Variants in TNR observed in about 807,000 individuals in gnomAD.
TNR encodes the protein tenascin-R.
A neutral mutation model predicts 150.4 loss-of-function variants in TNR; 45 were observed. The ratio of observed to expected loss-of-function variants is 0.30; its 90% CI spans 0.24 to 0.38. The LOEUF is 0.38. Ranked by LOEUF, TNR falls within the 10% of genes least tolerant of loss-of-function variation. TNR has a pLI of 1.00. For missense variants in TNR, 1,544 were observed against 1,759.1 expected, an observed-to-expected ratio of 0.88 and a Z score of 2.19; for synonymous variants, 687 against 678.4, an observed-to-expected ratio of 1.01 and a Z score of -0.20.
chr1:175,365,221 G>A lies in TNR; in HGVS notation c.2376C>T (p.Ile792=). 2 of 1,614,070 alleles carry A rather than the reference G, an allele frequency of 1.2e-6. No individual in the cohort carries two copies. Among genetic ancestry groups the A allele is most frequent in the Non-Finnish European group, 1.7e-6 (2 of 1,179,976 alleles). The change falls in exon 12 of 23, where the codon ATC becomes ATT. Residue 792 remains isoleucine, a synonymous_variant. Coordinates refer to ENST00000367674, the MANE Select transcript of TNR (RefSeq NM_003285.3). ...FSHVTSSSVN[I]TWSDPSPPAD... ...CTGGGGGAGATGGATCACTCCAAGT[G>A]ATGTTCACACTGGAGGAGGTCACAT...
intron 1 of TNR, among the ~76,000 whole-genome samples, chr1:175,701,129 A>G (rs901987099): frequency 2.0e-5 from 3 of 152,188 alleles, no homozygotes; most frequent in African/African-American, 7.2e-5. Context: ...ACACTGGTTC[A>G]TGCTCCAGTT....
chr1:175,379,691 G>A lies in TNR; in HGVS notation c.1824C>T (p.Thr608=). Residue 608 remains threonine, a synonymous_variant, in exon 9 of 23, where the codon ACC becomes ACT. Transcript: ENST00000367674. Reference sequence around the variant, plus strand: ...TGTTATCCCACTCGAGGTCAAGGCTGGTTGCTGTGCGAGAACCAACTCGCA... The same window carrying A: ...TGTTATCCCACTCGAGGTCAAGGCTAGTTGCTGTGCGAGAACCAACTCGCA... The part of the protein sequence containing the change: ...KNLRVGSRTA[T]SLDLEWDNSE... 1 of 1,614,190 alleles carries A rather than the reference G, an allele frequency of 6.2e-7. No individual in the cohort carries two copies. The highest frequency in any genetic ancestry group is 8.5e-7 in the Non-Finnish European group (1 of 1,180,030).
At chr1:175,663,211 G>A (rs1230237729) in intron 1 of TNR, among the ~76,000 whole-genome samples, 2 of 152,084 alleles carry the variant, frequency 1.3e-5, no homozygotes, top group African/African-American at 4.8e-5. Context: ...CACCCACCCT[G>A]AGCTCTGGCC....
chr1:175,703,670 G>A (rs1218997519), intron 1 of TNR, among the ~76,000 whole-genome samples: 1 of 152,112 alleles, frequency 6.6e-6, no homozygotes. Context: ...CAAAAGATAT[G>A]AAAAGGTAAA....
intron 1 of TNR, among the ~76,000 whole-genome samples, chr1:175,683,355 C>T (rs1365316486): frequency 1.3e-5 from 2 of 152,166 alleles, no homozygotes; most frequent in African/African-American, 4.8e-5. Flanking sequence ...TAACATGTTA[C>T]CAGTACTGAT....
At position 175,403,341 on chromosome 1, in the gene TNR, C is replaced by T. The variant is rs775102963; in HGVS notation, c.775G>A (p.Glu259Lys). 2.4e-5 allele frequency: 38 copies of T among 1,614,026 alleles called. No individual in the cohort carries two copies. Among genetic ancestry groups the T allele is most frequent in the Admixed American group, 1.8e-4 (11 of 60,012 alleles). The change falls in exon 4 of 23, where the codon GAG (glutamate) becomes AAG (lysine). Residue 259 changes from glutamate to lysine, a missense_variant. Physicochemically the swap from Glu to Lys is moderately conservative, Grantham distance 56. Coordinates refer to ENST00000367674, the MANE Select transcript of TNR (RefSeq NM_003285.3). ...GGGCACCTCAGTTCCCTGCAGTCCT[C>T]GCCAGTGTAGGGCTCTTCACAGACA... ...ECVCEEPYTG[E>K]DCRELRCPGD...
intron 1 of TNR, among the ~76,000 whole-genome samples, chr1:175,619,090 G>A (rs546085479): frequency 2.4e-4 from 37 of 152,258 alleles, no homozygotes; most frequent in African/African-American, 8.7e-4. Flanking sequence ...TGGGGTGCTA[G>A]GAGGGTCTCC....
At chr1:175,649,687 C>A (rs1664897815) in intron 1 of TNR, among the ~76,000 whole-genome samples, 2 of 152,184 alleles carry the variant, frequency 1.3e-5, no homozygotes, top group Admixed American at 1.3e-4. Flanking sequence ...CTGCCTTCCT[C>A]ACACTCCCCT....
chr1:175,338,614 A>G (rs1571311773), intron 18 of TNR, among the ~76,000 whole-genome samples: 1 of 152,308 alleles, frequency 6.6e-6, no homozygotes, highest in East Asian at 1.9e-4. Flanking sequence ...CTAGTTCTGC[A>G]TCCTTGAACT....
intron 18 of TNR, among the ~76,000 whole-genome samples, chr1:175,347,270 C>T (rs191910626): frequency 6.6e-6 from 1 of 152,020 alleles, no homozygotes; most frequent in Non-Finnish European, 1.5e-5. Flanking sequence ...AAGCTTATTA[C>T]AAAAACTCTT....
chr1:175,379,235 G>A (rs1293636364), intron 9 of TNR, among the ~76,000 whole-genome samples: 5 of 150,922 alleles, frequency 3.3e-5, no homozygotes, highest in African/African-American at 1.2e-4. Flanking sequence ...TGGGCCAGGA[G>A]ACAATGTGAG....
At chr1:175,403,106 C>G in intron 4 of TNR, 34 bp downstream of exon 4, 1 of 1,572,410 alleles carries the variant, frequency 6.4e-7, no homozygotes, top group South Asian at 1.2e-5. Flanking sequence ...CTGGACCACC[C>G]TTGCCAAACA....
At chr1:175,583,579 C>T (rs1662448262) in intron 1 of TNR, among the ~76,000 whole-genome samples, 1 of 152,164 alleles carries the variant, frequency 6.6e-6, no homozygotes, top group Non-Finnish European at 1.5e-5. Context: ...AAGAGGAGGG[C>T]ACTGGGAGAC....
At chr1:175,502,806 A>G (rs1658793018) in intron 2 of TNR, among the ~76,000 whole-genome samples, 1 of 152,210 alleles carries the variant, frequency 6.6e-6, no homozygotes, top group Non-Finnish European at 1.5e-5. Flanking sequence ...TGGTATATAA[A>G]TTAACATGGT....
At chr1:175,453,889 A>G (rs1168199852) in intron 2 of TNR, among the ~76,000 whole-genome samples, 1 of 152,156 alleles carries the variant, frequency 6.6e-6, no homozygotes, top group African/African-American at 2.4e-5. Flanking sequence ...ATTTTTTTAA[A>G]TCAAGGGTGA....
At chr1:175,596,387 C>T (rs190116879) in intron 1 of TNR, among the ~76,000 whole-genome samples, 84 of 152,254 alleles carry the variant, frequency 5.5e-4, no homozygotes, top group Admixed American at 1.2e-3. Context: ...GCTGTCATGA[C>T]GTCTGCCCTA....
In TNR at chr1:175,603,439, C is replaced by G. The variant is rs79484309; in HGVS notation, c.-164-75070G>C. ...TTAATAGAGAAATTTTTTCAAGTTG[C>G]GAGGGGACTAATCCTTCCTTCTACT... On this transcript the variant is annotated intron_variant, in intron 1 of 22. Transcript: ENST00000367674. Among the ~76,000 whole-genome samples the G allele has an allele frequency of 8.3e-3, 1,266 of 152,216 alleles. 11 individuals carry two copies. The highest frequency in any genetic ancestry group is 0.029 in the African/African-American group (1,200 of 41,522).
At chr1:175,364,975 C>T in intron 12 of TNR, 35 bp downstream of exon 12, 1 of 1,569,364 alleles carries the variant, frequency 6.4e-7, no homozygotes, top group South Asian at 1.2e-5. Flanking sequence ...GTGAAAACCC[C>T]TTTCATCACC....
intron 1 of TNR, among the ~76,000 whole-genome samples, chr1:175,681,076 C>T (rs894239120): frequency 6.6e-6 from 1 of 152,076 alleles, no homozygotes; most frequent in Admixed American, 6.5e-5. Context: ...CAGGTGCAGA[C>T]AGGTTGGTGA....
Sources: gnomAD v4.1 joint callset for allele counts (sites outside exome capture counted in the v4.1 genomes callset) on GRCh38, gnomAD v4.1.1 for gene constraint, MANE v1.5 for transcripts, NCBI Gene and HGNC (gene_info 2026-07-23, HGNC 2026-07-21) for gene names.